Variants in IQSEC1 observed in about 807,000 individuals in gnomAD.
IQSEC1 encodes the protein IQ motif and Sec7 domain ArfGEF 1.
Under a neutral mutation model 91.0 loss-of-function variants are expected in IQSEC1, and 31 were observed. The ratio of observed to expected loss-of-function variants is 0.34; its 90% CI spans 0.26 to 0.46. The LOEUF (loss-of-function observed/expected upper bound fraction) is 0.46. IQSEC1 is among the 20% of genes least tolerant of loss of function. IQSEC1 has a pLI of 1.00. For missense variants in IQSEC1, 1,388 were observed against 1,575.6 expected, an observed-to-expected ratio of 0.88 and a Z score of 2.02; for synonymous variants, 699 against 662.6, an observed-to-expected ratio of 1.05 and a Z score of -0.84.
chr3:13,017,667 AGG>A (rs1203090352), intron 1 of IQSEC1, among the ~76,000 whole-genome samples: 1 of 152,178 alleles, frequency 6.6e-6, no homozygotes. Context: ...GGCACAGAGT[AGG>A]TCTTCATCCC....
Position 13,088,625 on chromosome 3 carries a change from C to T in IQSEC1, c.303-41103G>A, listed in dbSNP as rs182219004. On this transcript the variant is annotated intron_variant, in intron 2 of 15. Transcript: ENST00000648114. ...CATGAGACCATGGCCCTCTTCTGCTCAGTACCCTCCCGGGGACCCCACCCC... is the reference window on the plus strand; with the variant it reads ...CATGAGACCATGGCCCTCTTCTGCTTAGTACCCTCCCGGGGACCCCACCCC... Among the ~76,000 whole-genome samples the T allele has an allele frequency of 2.0e-5, 3 of 152,278 alleles. No homozygotes were observed. The East Asian group carries it at 5.8e-4, about 29-fold the overall frequency.
chr3:12,925,931 C>G (rs1308233787), intron 3 of IQSEC1, among the ~76,000 whole-genome samples: 1 of 152,238 alleles, frequency 6.6e-6, no homozygotes, highest in Non-Finnish European at 1.5e-5. Context: ...TGGCAGGCCC[C>G]TTCTCCCTTG....
chr3:13,230,658 G>T (rs1358679088), intron 1 of IQSEC1, among the ~76,000 whole-genome samples: 1 of 152,030 alleles, frequency 6.6e-6, no homozygotes, highest in Non-Finnish European at 1.5e-5. Context: ...TCAAAGTCAT[G>T]CTCAGGATCT....
chr3:12,961,728 A>G (rs1300459455), intron 1 of IQSEC1, among the ~76,000 whole-genome samples: 2 of 152,240 alleles, frequency 1.3e-5, no homozygotes, highest in African/African-American at 2.4e-5. Flanking sequence ...GGCCTAAAAC[A>G]TCAGCTAAAG....
rs1575916844 is a variant in IQSEC1 at position 12,922,540 on chromosome 3, G to C, written c.1731-298C>G. On this transcript the variant is annotated intron_variant, in intron 4 of 13. Transcript: ENST00000613206. This position sits in a 1 kb window ranked among gnomAD's most constrained non-coding sequence, Gnocchi z 5.1. ...TTATCTGGATCAAAGCCCTTCCCAA[G>C]AGACAAGCATTTTTAAGCACAGCCC... Among the ~76,000 whole-genome samples, 2 of 152,158 alleles carry C rather than the reference G, an allele frequency of 1.3e-5. No individual in the cohort carries two copies. Among genetic ancestry groups the C allele is most frequent in the African/African-American group, 2.4e-5 (1 of 41,446 alleles).
chr3:13,044,545 C>G (rs1180082268), intron 1 of IQSEC1, among the ~76,000 whole-genome samples: 1 of 152,218 alleles, frequency 6.6e-6, no homozygotes, highest in African/African-American at 2.4e-5. Context: ...TCGGAATGGA[C>G]CCAGGCTGGA....
rs1222906889 is a variant in IQSEC1, at chr3:12,967,776, G to T, written c.24-25911C>A. On this transcript the variant is annotated intron_variant, in intron 1 of 13. Transcript: ENST00000613206. The surrounding 1 kb of genome is among the most constrained non-coding windows in gnomAD (Gnocchi z 5.9). ...GGGGCCGGAGGGCGAGCTGGGGGCG[G>T]GGCCGGAGGGCGAGCTGGGGGCGGG... The T allele has an allele frequency of 1.2e-6, 1 of 842,208 alleles. No homozygotes were observed. Among genetic ancestry groups the T allele is most frequent in the African/African-American group, 1.8e-5 (1 of 54,586 alleles). 52.2% of individuals were successfully genotyped at this position (842,208 alleles called of 1,614,324 possible).
chr3:12,905,038 G>C (rs960948958), intron 12 of IQSEC1, among the ~76,000 whole-genome samples: 4 of 152,216 alleles, frequency 2.6e-5, no homozygotes, highest in Admixed American at 2.0e-4. Flanking sequence ...TCTGTGCTGA[G>C]TCCTAGAGCC....
intron 3 of IQSEC1, among the ~76,000 whole-genome samples, chr3:12,929,921 C>T (rs1458745219): frequency 1.3e-5 from 2 of 152,210 alleles, no homozygotes; most frequent in Non-Finnish European, 2.9e-5. Context: ...GCCAGCTTTT[C>T]CTCACATCAG....
intron 1 of IQSEC1, among the ~76,000 whole-genome samples, chr3:12,951,100 G>A (rs1164027271): frequency 1.3e-5 from 2 of 152,144 alleles, no homozygotes; most frequent in Non-Finnish European, 2.9e-5. Flanking sequence ...CACAGAACAA[G>A]ACCCTGCCTC....
chr3:13,029,076 A>T (rs1272426636), intron 1 of IQSEC1, among the ~76,000 whole-genome samples: 1 of 152,230 alleles, frequency 6.6e-6, no homozygotes, highest in Non-Finnish European at 1.5e-5. Flanking sequence ...TGTACTGTGT[A>T]AAGCTATATA....
At chr3:13,032,864 C>G (rs11920083) in intron 1 of IQSEC1, among the ~76,000 whole-genome samples, 53,100 of 151,964 alleles carry the variant, frequency 0.35, 10,058 homozygotes, top group East Asian at 0.59. Flanking sequence ...GATTACAGGC[C>G]TTAAAAATAT....
In IQSEC1 at chr3:13,131,890, T is replaced by C. The variant is rs569051226; in HGVS notation, c.302+32214A>G. ...TGTTTAAATATCTATAATGGTCCCA[T>C]TGTAGTTTTAATCTCTATAATTTTG... is the stretch of plus-strand genomic sequence containing the variant. On this transcript the variant is annotated intron_variant, in intron 2 of 15. Transcript: ENST00000648114. 2.0e-5 allele frequency among the ~76,000 whole-genome samples: 3 copies of C among 152,328 alleles called. No individual in the cohort carries two copies. The South Asian group carries it at 6.2e-4, about 32-fold the overall frequency.
chr3:13,079,034 A>G (rs1462231504), intron 2 of IQSEC1, among the ~76,000 whole-genome samples: 1 of 152,252 alleles, frequency 6.6e-6, no homozygotes, highest in Non-Finnish European at 1.5e-5. Flanking sequence ...TTTAGAGAGA[A>G]GCACTGCTCT....
intron 1 of IQSEC1, among the ~76,000 whole-genome samples, chr3:13,183,940 A>G (rs1238642007): frequency 6.6e-6 from 1 of 152,204 alleles, no homozygotes; most frequent in Non-Finnish European, 1.5e-5. Flanking sequence ...AAAGATACAA[A>G]CTGTCAAAGT....
chr3:13,139,421 T>C (rs2124934345), intron 2 of IQSEC1, among the ~76,000 whole-genome samples: 1 of 152,312 alleles, frequency 6.6e-6, no homozygotes, highest in Admixed American at 6.5e-5. Flanking sequence ...GCATGTTCCA[T>C]CAGGTCCTTG....
At chr3:13,183,378 C>CA (rs1693878878) in intron 1 of IQSEC1, among the ~76,000 whole-genome samples, 1 of 146,936 alleles carries the variant, frequency 6.8e-6, no homozygotes, top group Non-Finnish European at 1.5e-5. Flanking sequence ...ACCAGCCTGG[C>CA]AAAATGGTGA....
At chr3:12,961,980 T>C (rs1002129770) in intron 1 of IQSEC1, among the ~76,000 whole-genome samples, 2 of 152,210 alleles carry the variant, frequency 1.3e-5, no homozygotes, top group African/African-American at 4.8e-5. Flanking sequence ...TCCCTAACCA[T>C]TGGGCTAAAC....
At chr3:13,023,969 T>A (rs1335080006) in intron 1 of IQSEC1, among the ~76,000 whole-genome samples, 4 of 152,140 alleles carry the variant, frequency 2.6e-5, no homozygotes, top group Non-Finnish European at 4.4e-5. Context: ...CCATTCCTTG[T>A]TTTTTCTTTA....
Sources: gnomAD v4.1 joint callset for allele counts (sites outside exome capture counted in the v4.1 genomes callset) on GRCh38, gnomAD v4.1.1 for gene constraint, Gnocchi (gnomAD v3.1) non-coding constraint, MANE v1.5 for transcripts, NCBI Gene and HGNC (gene_info 2026-07-23, HGNC 2026-07-21) for gene names.